Variants in GPC5 observed in about 807,000 individuals in gnomAD.
The protein encoded by GPC5 is glypican 5, also known as glypican-5.
In GPC5, 47 loss-of-function variants were observed where a neutral mutation model predicts 53.9. That is an observed-to-expected ratio of 0.87 (90% CI 0.69 to 1.11). The LOEUF is 1.11. Among genes scored for constraint, GPC5 ranks in the 50% most tolerant of loss-of-function variants. The pLI is 0.00. For missense variants in GPC5, 748 were observed against 713.1 expected (o/e 1.05, Z -0.56); for synonymous variants, 286 against 263.3 (o/e 1.09, Z -0.84).
chr13:92,750,666 C>T (rs1301414930), intron 7 of GPC5, among the ~76,000 whole-genome samples: 1 of 152,164 alleles, frequency 6.6e-6, no homozygotes, highest in Non-Finnish European at 1.5e-5. Context: ...ATTTTCTACA[C>T]TTGTATGTTA....
intron 7 of GPC5, among the ~76,000 whole-genome samples, chr13:92,663,765 TACACTATATATACAC>T (rs1301374354): frequency 0.011 from 1,496 of 140,942 alleles, 15 homozygotes; most frequent in Non-Finnish European, 0.016. Flanking sequence ...AATATATATA[TACACTATATATACAC>T]ACACTATATA....
At chr13:91,989,320 A>G (rs531095068) in intron 6 of GPC5, among the ~76,000 whole-genome samples, 3 of 152,344 alleles carry the variant, frequency 2.0e-5, no homozygotes, top group African/African-American at 7.2e-5. Context: ...TAAATCCCAT[A>G]TGATTCCCAT....
intron 6 of GPC5, among the ~76,000 whole-genome samples, chr13:91,936,704 G>C (rs1205701415): frequency 6.6e-6 from 1 of 151,812 alleles, no homozygotes; most frequent in Non-Finnish European, 1.5e-5. Context: ...ATCTCAAATA[G>C]ATATCTCCTC....
intron 6 of GPC5, among the ~76,000 whole-genome samples, chr13:91,996,822 G>C (rs2040507701): frequency 6.6e-6 from 1 of 151,988 alleles, no homozygotes; most frequent in Admixed American, 6.6e-5. Context: ...TGAACATTAT[G>C]TTTCATTGAG....
chr13:91,819,972 T>C (rs1468196003), intron 5 of GPC5, among the ~76,000 whole-genome samples: 3 of 152,204 alleles, frequency 2.0e-5, no homozygotes, highest in Non-Finnish European at 2.9e-5. Flanking sequence ...TGTATTTCCC[T>C]TATTTCTAAT....
intron 2 of GPC5, among the ~76,000 whole-genome samples, chr13:91,601,938 G>A (rs2033193993): frequency 6.6e-6 from 1 of 152,166 alleles, no homozygotes; most frequent in Non-Finnish European, 1.5e-5. Flanking sequence ...AAAAGGTTGA[G>A]GAGTGCTGGG....
rs1326162187 is a variant in GPC5, at chr13:92,697,108, GCA to G, written c.1562-169173_1562-169172del. 1.2e-4 allele frequency among the ~76,000 whole-genome samples: 18 copies of G among 151,140 alleles called. No homozygotes were observed. The South Asian group carries it at 2.1e-3, about 18-fold the overall frequency. ...CTGTTTTGGTTACTGTAGCCTTGTA[GCA>G]TAGTTTGAAGTCAGGTAGCGTGATG... On this transcript the variant is annotated intron_variant, in intron 7 of 7. Coordinates refer to ENST00000377067, the MANE Select transcript of GPC5 (RefSeq NM_004466.6).
At position 92,780,137 on chromosome 13, in the gene GPC5, T is replaced by C. The variant is rs1875965745; in HGVS notation, c.1562-86145T>C. Among the ~76,000 whole-genome samples the C allele has an allele frequency of 2.6e-5, 4 of 152,026 alleles. No individual in the cohort carries two copies. In the South Asian group the frequency reaches 8.3e-4, roughly 32 times the overall value. ...ACAGTTTCCCTTGAATTTTACATTT[T>C]GGAAACACTGTTACTAAATATTATA... is the stretch of plus-strand genomic sequence containing the variant. On this transcript the variant is annotated intron_variant, in intron 7 of 7. Transcript: ENST00000377067.
intron 1 of GPC5, among the ~76,000 whole-genome samples, chr13:91,439,856 G>C (rs142421753): frequency 2.0e-5 from 3 of 152,086 alleles, no homozygotes; most frequent in Non-Finnish European, 4.4e-5. Context: ...ATAACCATTA[G>C]AGTGAAATTT....
At chr13:91,624,279 C>T (rs2033941918) in intron 2 of GPC5, among the ~76,000 whole-genome samples, 1 of 152,008 alleles carries the variant, frequency 6.6e-6, no homozygotes. Context: ...TATTATCAGA[C>T]AAAATGGTCA....
chr13:91,511,637 C>T (rs994196695), intron 2 of GPC5, among the ~76,000 whole-genome samples: 9 of 152,094 alleles, frequency 5.9e-5, no homozygotes, highest in Admixed American at 4.6e-4. Context: ...GCTCTTTCCA[C>T]TCTGATATCA....
intron 6 of GPC5, among the ~76,000 whole-genome samples, chr13:92,134,809 C>T (rs2041770518): frequency 6.6e-6 from 1 of 152,084 alleles, no homozygotes. Flanking sequence ...TTCTCTCCCT[C>T]CCACATATAC....
intron 6 of GPC5, among the ~76,000 whole-genome samples, chr13:92,123,999 C>T (rs1350911801): frequency 2.6e-5 from 4 of 151,902 alleles, no homozygotes; most frequent in Non-Finnish European, 4.4e-5. Context: ...TTTAGGTTTT[C>T]GTTTTCAGCT....
chr13:91,922,480 T>C (rs2039725240), intron 6 of GPC5, among the ~76,000 whole-genome samples: 1 of 152,182 alleles, frequency 6.6e-6, no homozygotes, highest in African/African-American at 2.4e-5. Flanking sequence ...CCAGACTCTT[T>C]CTTAATTTCT....
chr13:91,503,126 A>G (rs1884737944), intron 2 of GPC5, among the ~76,000 whole-genome samples: 1 of 152,226 alleles, frequency 6.6e-6, no homozygotes, highest in Admixed American at 6.6e-5. Flanking sequence ...TAAAAAATAA[A>G]GCAATAAAAT....
At chr13:91,439,422 G>A (rs572488643) in intron 1 of GPC5, among the ~76,000 whole-genome samples, 2 of 152,152 alleles carry the variant, frequency 1.3e-5, no homozygotes, top group Admixed American at 6.5e-5. Flanking sequence ...TTCTCCTTAG[G>A]TGATCTTATA....
chr13:92,769,858 C>T (rs983834692), intron 7 of GPC5, among the ~76,000 whole-genome samples: 5 of 152,102 alleles, frequency 3.3e-5, no homozygotes, highest in African/African-American at 1.2e-4. Flanking sequence ...ATCAGGTAGA[C>T]CTTGTTTATA....
intron 7 of GPC5, among the ~76,000 whole-genome samples, chr13:92,166,947 C>CTCTCTA (rs1555315975): frequency 1.3e-3 from 80 of 60,050 alleles, no homozygotes; most frequent in African/African-American, 3.6e-3. Flanking sequence ...CTCTCTCTCT[C>CTCTCTA]TCTCTCTCTC....
At chr13:91,423,234 T>G (rs1052101539) in intron 1 of GPC5, among the ~76,000 whole-genome samples, 1 of 152,206 alleles carries the variant, frequency 6.6e-6, no homozygotes, top group African/African-American at 2.4e-5. Context: ...ACTGGTTAAG[T>G]GCATGAGTTT....
Sources: allele counts gnomAD v4.1 joint callset (sites outside exome capture counted in the v4.1 genomes callset), GRCh38; gene constraint gnomAD v4.1.1; transcripts MANE v1.5; gene names NCBI Gene and HGNC (gene_info 2026-07-23, HGNC 2026-07-21).